The following ASCC3 variants were observed in gnomAD, a reference collection of about 807,000 sequenced individuals.
ASCC3 encodes ASC-1 complex subunit P200.
A neutral mutation model predicts 256.3 loss-of-function variants in ASCC3; 158 were observed. The observed-to-expected ratio is 0.62, with a 90% CI of 0.54 to 0.70. The LOEUF (loss-of-function observed/expected upper bound fraction) is 0.70, where lower values mean the gene tolerates loss of function less well. ASCC3 is among the 30% of genes least tolerant of loss of function. The pLI, the probability that ASCC3 is intolerant of heterozygous loss-of-function variation, is 0.00. For synonymous variants in ASCC3, 948 were observed against 883.4 expected, an observed-to-expected ratio of 1.07 and a Z score of -1.30; for missense variants, 2,259 against 2,626.0, an observed-to-expected ratio of 0.86 and a Z score of 3.05.
chr6:100,545,652 C>A (rs1051680507), intron 36 of ASCC3, among the ~76,000 whole-genome samples: 1 of 152,198 alleles, frequency 6.6e-6, no homozygotes, highest in Admixed American at 6.5e-5. Flanking sequence ...AATGTAGTGG[C>A]ACAATCATAG....
intron 4 of ASCC3, among the ~76,000 whole-genome samples, chr6:100,819,764 C>T (rs1389449159): frequency 1.3e-5 from 2 of 152,136 alleles, no homozygotes; most frequent in East Asian, 1.9e-4. Context: ...TGCACCCACC[C>T]CGACTGAGGG....
At chr6:100,632,494 A>T (rs1298458957) in intron 25 of ASCC3, among the ~76,000 whole-genome samples, 1 of 152,194 alleles carries the variant, frequency 6.6e-6, no homozygotes, top group Non-Finnish European at 1.5e-5. Flanking sequence ...AAGGAAGCAC[A>T]GAGACCTTGA....
intron 30 of ASCC3, among the ~76,000 whole-genome samples, chr6:100,608,517 ACTT>A (rs1773151032): frequency 1.6e-4 from 1 of 6,272 alleles, no homozygotes; most frequent in Admixed American, 7.6e-3. Flanking sequence ...TTATATATAT[ACTT>A]TATATATATA....
At position 100,767,292 on chromosome 6, in the gene ASCC3, T is replaced by C; in HGVS notation, c.1449A>G (p.Ile483Met). 1 of 1,614,014 alleles carries C rather than the reference T, an allele frequency of 6.2e-7. No individual in the cohort carries two copies. Among genetic ancestry groups the C allele is most frequent in the Non-Finnish European group, 8.5e-7 (1 of 1,180,014 alleles). The change falls in exon 9 of 42, where the codon ATA (isoleucine) becomes ATG (methionine). Residue 483 changes from isoleucine to methionine, a missense_variant. By Grantham distance (10) the Ile-to-Met change is conservative. This residue lies in a region of ASCC3 where 1,839 missense variants were observed against 2,206.7 expected (regional missense o/e 0.83). Coordinates refer to ENST00000369162, the MANE Select transcript of ASCC3 (RefSeq NM_006828.4). ...TGGTGTTGTAGGCAGTCTCAAACACTATTGACTGGATTCTATTGAGTCTCT... is the reference window on the plus strand; with the variant it reads ...TGGTGTTGTAGGCAGTCTCAAACACCATTGACTGGATTCTATTGAGTCTCT... Reference protein sequence around the residue: ...GMKRLNRIQSIVFETAYNTNE... With the variant: ...GMKRLNRIQSMVFETAYNTNE...
intron 4 of ASCC3, among the ~76,000 whole-genome samples, chr6:100,824,705 A>C (rs540729039): frequency 5.3e-5 from 8 of 152,264 alleles, no homozygotes; most frequent in African/African-American, 1.9e-4. Context: ...TAAGAGTATT[A>C]ATATGGTACA....
At chr6:100,671,591 G>T (rs1776748730) in intron 14 of ASCC3, among the ~76,000 whole-genome samples, 1 of 152,020 alleles carries the variant, frequency 6.6e-6, no homozygotes, top group Non-Finnish European at 1.5e-5. Context: ...GTTTTCACAA[G>T]TGAACTTTCC....
intron 4 of ASCC3, among the ~76,000 whole-genome samples, chr6:100,825,577 T>G (rs189419524): frequency 6.6e-6 from 1 of 152,162 alleles, no homozygotes; most frequent in African/African-American, 2.4e-5. Context: ...GATGATTATG[T>G]GTCTTGAGGT....
intron 36 of ASCC3, among the ~76,000 whole-genome samples, chr6:100,568,094 G>A (rs755739720): frequency 9.2e-5 from 14 of 151,820 alleles, no homozygotes; most frequent in Admixed American, 2.6e-4. Context: ...TGGGCTGGGC[G>A]TCTTGGCTCA....
intron 10 of ASCC3, among the ~76,000 whole-genome samples, chr6:100,765,448 T>C (rs1284622020): frequency 2.6e-5 from 4 of 152,176 alleles, no homozygotes; most frequent in Non-Finnish European, 5.9e-5. Flanking sequence ...ATCAGCTTCA[T>C]CGGCATGATA....
chr6:100,562,388 T>C (rs559636700), intron 36 of ASCC3, among the ~76,000 whole-genome samples: 1 of 152,166 alleles, frequency 6.6e-6, no homozygotes, highest in Non-Finnish European at 1.5e-5. Context: ...AAATATTCAT[T>C]TTAGCCTTCT....
chr6:100,680,376 C>A (rs9390581), intron 13 of ASCC3, among the ~76,000 whole-genome samples: 11,075 of 152,050 alleles, frequency 0.073, 901 homozygotes, highest in East Asian at 0.3. Flanking sequence ...CAGGGACAGT[C>A]ACCAGGCACG....
At chr6:100,704,396 A>G (rs1778486964) in intron 13 of ASCC3, among the ~76,000 whole-genome samples, 1 of 152,040 alleles carries the variant, frequency 6.6e-6, no homozygotes, top group Non-Finnish European at 1.5e-5. Context: ...GATATAGCAG[A>G]AACACTAGTA....
At chr6:100,853,781 A>C (rs2114519047) in intron 3 of ASCC3, among the ~76,000 whole-genome samples, 1 of 152,308 alleles carries the variant, frequency 6.6e-6, no homozygotes, top group Non-Finnish European at 1.5e-5. Flanking sequence ...TTCAATTTAG[A>C]AGTTGTCAAC....
intron 4 of ASCC3, among the ~76,000 whole-genome samples, chr6:100,847,019 T>A (rs1240863756): frequency 6.6e-6 from 1 of 152,150 alleles, no homozygotes. Context: ...GAAGCTATTA[T>A]GAAAAAAATC....
chr6:100,603,309 C>A (rs1038137145), intron 33 of ASCC3, among the ~76,000 whole-genome samples: 1 of 151,998 alleles, frequency 6.6e-6, no homozygotes, highest in Admixed American at 6.6e-5. Flanking sequence ...ATAGGTACAA[C>A]ACAATTAATT....
chr6:100,877,015 A>G (rs6935151), intron 1 of ASCC3, among the ~76,000 whole-genome samples: 2,193 of 152,300 alleles, frequency 0.014, 49 homozygotes, highest in African/African-American at 0.05. Flanking sequence ...ACTATTCTGA[A>G]GTACTACATT....
intron 36 of ASCC3, among the ~76,000 whole-genome samples, chr6:100,569,606 G>A (rs994864746): frequency 1.3e-5 from 2 of 151,948 alleles, no homozygotes; most frequent in Admixed American, 6.6e-5. Context: ...GGATGGTCTC[G>A]ATCTCCTGAC....
At chr6:100,758,315 T>G (rs1781279205) in intron 10 of ASCC3, among the ~76,000 whole-genome samples, 1 of 151,936 alleles carries the variant, frequency 6.6e-6, no homozygotes, top group African/African-American at 2.4e-5. Flanking sequence ...CAGGTATATG[T>G]GTGCCACGGT....
intron 8 of ASCC3, among the ~76,000 whole-genome samples, chr6:100,788,879 G>A (rs541298188): frequency 3.3e-5 from 5 of 151,886 alleles, no homozygotes; most frequent in Non-Finnish European, 7.4e-5. Flanking sequence ...GGTAAAAGAG[G>A]CAGTAGTAAA....
Sources: allele counts gnomAD v4.1 joint callset (sites outside exome capture counted in the v4.1 genomes callset), GRCh38; gene constraint gnomAD v4.1.1; regional missense constraint gnomAD v4.1.1; transcripts MANE v1.5; gene names NCBI Gene and HGNC (gene_info 2026-07-23, HGNC 2026-07-21).